CSMD2: variants seen among roughly 807,000 people sequenced by gnomAD.
CSMD2 encodes CUB and Sushi multiple domains 2.
In CSMD2, 130 loss-of-function variants were observed where a neutral mutation model predicts 398.5. The observed-to-expected ratio is 0.33, with a 90% CI of 0.28 to 0.38. The LOEUF is 0.38. CSMD2 is among the 10% of genes least tolerant of loss of function. CSMD2 has a pLI of 1.00. For missense variants in CSMD2, 3,829 were observed against 4,764.9 expected (o/e 0.80, Z 5.78); for synonymous variants, 1,828 against 1,908.5 (o/e 0.96, Z 1.10).
At chr1:33,561,352 A>T (rs1185291331) in intron 53 of CSMD2, among the ~76,000 whole-genome samples, 1 of 152,232 alleles carries the variant, frequency 6.6e-6, no homozygotes, top group Admixed American at 6.5e-5. Flanking sequence ...ATTTCGGCTC[A>T]GCTCTGCCCC....
In CSMD2 at chr1:33,546,053, C is replaced by A; in HGVS notation, c.9084G>T (p.Ser3028=). The change falls in exon 57 of 71, where the codon TCG becomes TCT. Residue 3028 remains serine, a synonymous_variant. Transcript: ENST00000373381. ...TCQANGSWSG[S]QPECGVISCG... ...ATACATTACCTCCACACTCAGGCTG[C>A]GAGCCGCTCCACGAGCCATTGGCTT... is the stretch of plus-strand genomic sequence containing the variant. 1 of 1,612,880 alleles carries A rather than the reference C, an allele frequency of 6.2e-7. No individual in the cohort carries two copies. The highest frequency in any genetic ancestry group is 1.1e-5 in the South Asian group (1 of 91,008).
chr1:33,900,424 A>C (rs1477547490), intron 5 of CSMD2, among the ~76,000 whole-genome samples: 1 of 152,228 alleles, frequency 6.6e-6, no homozygotes. Flanking sequence ...TGGCTCGGAC[A>C]CTTACTAGCT....
chr1:33,984,547 T>A (rs1470146814), intron 3 of CSMD2, among the ~76,000 whole-genome samples: 1 of 152,000 alleles, frequency 6.6e-6, no homozygotes, highest in Non-Finnish European at 1.5e-5. Context: ...CGCCTGCGCT[T>A]TGGGAGGTGG....
chr1:33,571,740 G>C lies in CSMD2; in HGVS notation c.7763-14C>G. 2 of 1,445,542 alleles carry C rather than the reference G, an allele frequency of 1.4e-6. No individual in the cohort carries two copies. The highest frequency in any genetic ancestry group is 1.8e-6 in the Non-Finnish European group (2 of 1,082,930). 89.5% of individuals were successfully genotyped at this position (1,445,542 alleles called of 1,614,324 possible). ...GACAAGTCACAGCTGGGGAAATGAG[G>C]AAAAGAAAGGAGGATTAATTACTTG... On this transcript the variant is annotated splice_polypyrimidine_tract_variant and intron_variant, in intron 50 of 70. Transcript: ENST00000373381.
At chr1:33,607,857 C>T (rs1640726956) in intron 41 of CSMD2, among the ~76,000 whole-genome samples, 1 of 152,184 alleles carries the variant, frequency 6.6e-6, no homozygotes, top group Admixed American at 6.5e-5. Flanking sequence ...GTGGAAGCCC[C>T]ATTGGATGTC....
rs150564422 is a variant in CSMD2 at position 33,935,914 on chromosome 1, G to A, written c.558C>T (p.Pro186=). ...SHTCGNPGRL[P]NGIQQGSTFN... is the part of the protein sequence containing the mutation. ...AGGTTGAACCCTGCTGGATGCCATT[G>A]GGCAGCCTCCCTGGGTTCCCACATG... is the stretch of plus-strand genomic sequence containing the variant. Residue 186 remains proline, a synonymous_variant, in exon 4 of 71, where the codon CCC becomes CCT. Coordinates refer to ENST00000373381, the MANE Select transcript of CSMD2 (RefSeq NM_001281956.2). 4.1e-4 allele frequency: 658 copies of A among 1,613,600 alleles called. No individual in the cohort carries two copies. Among genetic ancestry groups the A allele is most frequent in the Admixed American group, 8.2e-4 (49 of 59,962 alleles).
At chr1:33,551,126 A>G (rs1657406918) in intron 55 of CSMD2, among the ~76,000 whole-genome samples, 1 of 152,178 alleles carries the variant, frequency 6.6e-6, no homozygotes, top group Non-Finnish European at 1.5e-5. Flanking sequence ...TTTGGAGAAG[A>G]GTATTGTTGG....
intron 10 of CSMD2, among the ~76,000 whole-genome samples, chr1:33,807,493 A>G (rs1304195098): frequency 6.6e-6 from 1 of 152,222 alleles, no homozygotes; most frequent in Non-Finnish European, 1.5e-5. Context: ...GCACTGAAAG[A>G]TATTCCAAAG....
intron 14 of CSMD2, 65 bp from the exon 15 acceptor site, chr1:33,739,399 A>G (rs1277981024): frequency 1.4e-6 from 2 of 1,455,002 alleles, no homozygotes; most frequent in African/African-American, 1.4e-5. Flanking sequence ...CCCTAAAGAA[A>G]ATTAGCTTCC....
At chr1:33,714,925 G>T (rs1284653390) in intron 20 of CSMD2, 150 bp from the exon 21 acceptor site, 1 of 738,796 alleles carries the variant, frequency 1.4e-6, no homozygotes, top group Non-Finnish European at 2.2e-6. Flanking sequence ...CCCACAAAAG[G>T]TGACACTGGC....
At chr1:33,982,631 C>T (rs1477871920) in intron 3 of CSMD2, among the ~76,000 whole-genome samples, 4 of 152,152 alleles carry the variant, frequency 2.6e-5, no homozygotes, top group South Asian at 2.1e-4. Flanking sequence ...GAATGAATGA[C>T]GGACCTGTGA....
chr1:34,048,567 G>T (rs1652811204), intron 2 of CSMD2, among the ~76,000 whole-genome samples: 1 of 152,208 alleles, frequency 6.6e-6, no homozygotes, highest in Non-Finnish European at 1.5e-5. Context: ...AGAATTCTAA[G>T]AAGGCAAAAG....
Position 33,533,697 on chromosome 1 carries a change from G to C in CSMD2, c.9991+99C>G. ...AGACCGATGTCGGTTCGCATGGGGA[G>C]TTGTGAACTCCCTGTCATTCAGAGC... On this transcript the variant is annotated intron_variant, in intron 63 of 70. Transcript: ENST00000373381. This position sits in a 1 kb window ranked among gnomAD's most constrained non-coding sequence, Gnocchi z 4.2. 1 of 765,070 alleles carries C rather than the reference G, an allele frequency of 1.3e-6. No individual in the cohort carries two copies. Among genetic ancestry groups the C allele is most frequent in the Non-Finnish European group, 2.3e-6 (1 of 440,350 alleles). 47.4% of individuals were successfully genotyped at this position (765,070 alleles called of 1,614,324 possible). A position where few individuals can be genotyped will look rare whatever the true frequency, so the allele number is the denominator to read the frequency against.
At chr1:33,517,986 T>C (rs530392372) in intron 70 of CSMD2, among the ~76,000 whole-genome samples, 2 of 152,356 alleles carry the variant, frequency 1.3e-5, no homozygotes, top group Admixed American at 1.3e-4. Context: ...CATTTGTGTG[T>C]GGCTGGGAGA....
intron 14 of CSMD2, among the ~76,000 whole-genome samples, chr1:33,739,778 T>C: frequency 6.6e-6 from 1 of 152,100 alleles, no homozygotes; most frequent in Admixed American, 6.5e-5. Flanking sequence ...TGAGGTGAGC[T>C]GGACTCTAAA....
At chr1:34,064,243 C>T (rs1434038823) in intron 2 of CSMD2, among the ~76,000 whole-genome samples, 1 of 152,144 alleles carries the variant, frequency 6.6e-6, no homozygotes, top group East Asian at 1.9e-4. Context: ...TTGAATTTCT[C>T]CTCAAAAAAT....
chr1:33,705,189 G>A (rs1645735802), intron 22 of CSMD2, among the ~76,000 whole-genome samples: 1 of 152,084 alleles, frequency 6.6e-6, no homozygotes, highest in African/African-American at 2.4e-5. Context: ...TGAATACGAT[G>A]TGGAATTAGT....
intron 2 of CSMD2, among the ~76,000 whole-genome samples, chr1:34,085,570 G>T (rs2148353592): frequency 1.3e-5 from 2 of 152,188 alleles, no homozygotes; most frequent in South Asian, 4.2e-4. Context: ...TCAATTTCCT[G>T]CAATAGTTGG....
chr1:33,710,284 C>T (rs1018027102), intron 21 of CSMD2, among the ~76,000 whole-genome samples: 1 of 152,142 alleles, frequency 6.6e-6, no homozygotes, highest in African/African-American at 2.4e-5. Flanking sequence ...TGATTGCTTG[C>T]TGCCTGTCCT....
Sources: allele counts gnomAD v4.1 joint callset (sites outside exome capture counted in the v4.1 genomes callset), GRCh38; gene constraint gnomAD v4.1.1; non-coding constraint Gnocchi (gnomAD v3.1); transcripts MANE v1.5; gene names NCBI Gene and HGNC (gene_info 2026-07-23, HGNC 2026-07-21).